XKR4: variants seen among roughly 807,000 people sequenced by gnomAD.
The protein encoded by XKR4 is XK related 4.
XKR4 carries 12 observed loss-of-function variants against 53.9 expected under a neutral mutation model. The ratio of observed to expected loss-of-function variants is 0.22; its 90% CI spans 0.14 to 0.36. The LOEUF is 0.36. XKR4 is among the 10% of genes least tolerant of loss of function. The pLI is 1.00. For missense variants in XKR4, 799 were observed against 859.5 expected (o/e 0.93, Z 0.88); for synonymous variants, 354 against 362.4 (o/e 0.98, Z 0.26).
intron 2 of XKR4, among the ~76,000 whole-genome samples, chr8:55,407,751 AG>A (rs1235974039): frequency 6.6e-6 from 1 of 152,254 alleles, no homozygotes; most frequent in Admixed American, 6.5e-5. Context: ...AGCATTTCAA[AG>A]GCTGCTTTCT....
chr8:55,119,360 C>T (rs1022763024), intron 1 of XKR4, among the ~76,000 whole-genome samples: 1 of 152,012 alleles, frequency 6.6e-6, no homozygotes, highest in Non-Finnish European at 1.5e-5. Context: ...AGAAGGGACT[C>T]CTGCTGGGAA....
chr8:55,320,118 TTA>T (rs1803184413), intron 1 of XKR4, among the ~76,000 whole-genome samples: 1 of 152,232 alleles, frequency 6.6e-6, no homozygotes, highest in Non-Finnish European at 1.5e-5. Flanking sequence ...GTTCAATGTG[TTA>T]TATTACGTTA....
chr8:55,299,923 T>G (rs1285933371), intron 1 of XKR4, among the ~76,000 whole-genome samples: 1 of 152,018 alleles, frequency 6.6e-6, no homozygotes. Context: ...CAGATTTAGA[T>G]GTCACCAACT....
chr8:55,516,924 C>T (rs1806721653), intron 2 of XKR4, among the ~76,000 whole-genome samples: 1 of 152,054 alleles, frequency 6.6e-6, no homozygotes, highest in African/African-American at 2.4e-5. Flanking sequence ...ACATGTACAC[C>T]ATGGAAATAC....
chr8:55,367,755 C>T (rs2939681), intron 2 of XKR4, among the ~76,000 whole-genome samples: 12,067 of 152,186 alleles, frequency 0.079, 629 homozygotes, highest in South Asian at 0.12. Flanking sequence ...TCCTCACCCC[C>T]GATCCAGTCC....
In XKR4 at chr8:55,526,186, G is replaced by A. The variant is rs1191112230; in HGVS notation, c.*1959G>A. ...AGAAAAAAGTTTAACTTAATTATTC[G>A]GTTATTTGGATCTAATTCACACAAA... is the stretch of plus-strand genomic sequence containing the variant. On this transcript the variant is annotated 3_prime_UTR_variant, in exon 3 of 3. Coordinates refer to ENST00000327381, the MANE Select transcript of XKR4 (RefSeq NM_052898.2). 1 of 152,314 alleles carries A rather than the reference G, an allele frequency of 6.6e-6. No individual in the cohort carries two copies. Among genetic ancestry groups the A allele is most frequent in the East Asian group, 1.9e-4 (1 of 5,192 alleles). 9.4% of individuals were successfully genotyped at this position (152,314 alleles called of 1,614,324 possible).
chr8:55,504,837 A>T (rs1806499807), intron 2 of XKR4, among the ~76,000 whole-genome samples: 1 of 152,098 alleles, frequency 6.6e-6, no homozygotes, highest in South Asian at 2.1e-4. Context: ...CCCAATTCTA[A>T]TTGGCATACA....
intron 2 of XKR4, chr8:55,449,943 G>T: frequency 1.1e-6 from 1 of 881,756 alleles, no homozygotes. Context: ...CACTCTCCAG[G>T]CTGAGGCTCA....
intron 2 of XKR4, among the ~76,000 whole-genome samples, chr8:55,366,958 T>C (rs1336548491): frequency 6.6e-6 from 1 of 152,174 alleles, no homozygotes; most frequent in Non-Finnish European, 1.5e-5. Context: ...GCTTGAAAAA[T>C]TCATCTTATC....
At chr8:55,284,853 T>A (rs1818887420) in intron 1 of XKR4, among the ~76,000 whole-genome samples, 1 of 152,196 alleles carries the variant, frequency 6.6e-6, no homozygotes, top group Admixed American at 6.5e-5. Flanking sequence ...CAGCCTCAAC[T>A]CCTTTTCACT....
chr8:55,316,621 A>T lies in XKR4; in HGVS notation c.807-41057A>T, dbSNP rs1370283261. Among the ~76,000 whole-genome samples, 7 of 152,230 alleles carry T rather than the reference A, an allele frequency of 4.6e-5. No homozygotes were observed. The East Asian group carries it at 1.4e-3, about 29-fold the overall frequency. ...CTATGTGATTGAGCTAACCCATCCAAATGTCCAGTTCCTCCCTTTTCCTCT... is the reference window on the plus strand; with the variant it reads ...CTATGTGATTGAGCTAACCCATCCATATGTCCAGTTCCTCCCTTTTCCTCT... On this transcript the variant is annotated intron_variant, in intron 1 of 2. Coordinates refer to ENST00000327381, the MANE Select transcript of XKR4 (RefSeq NM_052898.2).
chr8:55,102,369 A>C lies in XKR4; in HGVS notation c.-120A>C, dbSNP rs1448087489. 8.1e-7 allele frequency: 1 copy of C among 1,237,946 alleles called. No individual in the cohort carries two copies. Among genetic ancestry groups the C allele is most frequent in the Non-Finnish European group, 1.0e-6 (1 of 971,666 alleles). The allele number at this position is 1,237,946 out of a possible 1,614,324, so 76.7% of individuals were successfully genotyped here. Reference sequence around the variant, plus strand: ...GCAGGCGAGCCGACGCAGGAGCAGGAGGAGGGGGAGCCGCACCGCCTGGGA... The same window carrying C: ...GCAGGCGAGCCGACGCAGGAGCAGGCGGAGGGGGAGCCGCACCGCCTGGGA... On this transcript the variant is annotated 5_prime_UTR_variant, in exon 1 of 3. Coordinates refer to ENST00000327381, the MANE Select transcript of XKR4 (RefSeq NM_052898.2). The surrounding 1 kb of genome is among the most constrained non-coding windows in gnomAD (Gnocchi z 5.1).
At chr8:55,425,001 C>T (rs912178368) in intron 2 of XKR4, among the ~76,000 whole-genome samples, 2 of 152,210 alleles carry the variant, frequency 1.3e-5, no homozygotes, top group African/African-American at 4.8e-5. Context: ...AAAACTGGAA[C>T]ATCTAAATCT....
chr8:55,312,096 T>G (rs1249301193), intron 1 of XKR4, among the ~76,000 whole-genome samples: 1 of 152,076 alleles, frequency 6.6e-6, no homozygotes, highest in Non-Finnish European at 1.5e-5. Flanking sequence ...CTTGTGATTT[T>G]TTAGTTAAAA....
At chr8:55,340,075 A>ATT (rs1803520387) in intron 1 of XKR4, among the ~76,000 whole-genome samples, 1 of 152,224 alleles carries the variant, frequency 6.6e-6, no homozygotes, top group South Asian at 2.1e-4. Context: ...CCCATTCTGT[A>ATT]TTGATTTATT....
intron 1 of XKR4, among the ~76,000 whole-genome samples, chr8:55,330,487 G>GA (rs1213122983): frequency 6.6e-6 from 1 of 151,834 alleles, no homozygotes; most frequent in Non-Finnish European, 1.5e-5. Context: ...GTAAAAAATG[G>GA]AAAAAACATG....
At chr8:55,172,903 G>A (rs1168559620) in intron 1 of XKR4, among the ~76,000 whole-genome samples, 16 of 152,148 alleles carry the variant, frequency 1.1e-4, no homozygotes, top group Non-Finnish European at 5.9e-5. Context: ...TTGGTTGGTT[G>A]ATCTGGTTTC....
intron 2 of XKR4, among the ~76,000 whole-genome samples, chr8:55,415,305 C>A (rs976968589): frequency 2.6e-5 from 4 of 152,132 alleles, no homozygotes; most frequent in Admixed American, 6.5e-5. Flanking sequence ...GGGCACCTCA[C>A]TTGGACAGGG....
intron 2 of XKR4, among the ~76,000 whole-genome samples, chr8:55,392,577 G>C (rs1199798312): frequency 6.6e-6 from 1 of 152,162 alleles, no homozygotes; most frequent in East Asian, 1.9e-4. Context: ...GATTGCTTGA[G>C]GCTAGGAGTT....
Sources: allele counts gnomAD v4.1 joint callset (sites outside exome capture counted in the v4.1 genomes callset), GRCh38; gene constraint gnomAD v4.1.1; non-coding constraint Gnocchi (gnomAD v3.1); transcripts MANE v1.5; gene names NCBI Gene and HGNC (gene_info 2026-07-23, HGNC 2026-07-21).